Variants in RICTOR observed in about 807,000 individuals in gnomAD.
The protein encoded by RICTOR is rapamycin-insensitive companion of mTOR.
In RICTOR, 49 loss-of-function variants were observed where a neutral mutation model predicts 214.9. The ratio of observed to expected loss-of-function variants is 0.23; its 90% CI spans 0.18 to 0.29. The LOEUF is 0.29. RICTOR is among the 10% of genes least tolerant of loss of function. The probability of loss-of-function intolerance (pLI) is 1.00; values close to 1 mark genes in which losing one functional copy is unlikely to be tolerated. For missense variants in RICTOR, 1,625 were observed against 2,047.0 expected (o/e 0.79, Z 3.98); for synonymous variants, 717 against 711.3 (o/e 1.01, Z -0.13).
rs557690369 is a variant in RICTOR, at chr5:38,964,972, C to A, written c.1300-80G>T. The A allele has an allele frequency of 1.6e-4, 126 of 798,476 alleles. 1 individual carries two copies. Among genetic ancestry groups the A allele is most frequent in the South Asian group, 7.1e-4 (42 of 58,890 alleles). The allele number at this position is 798,476 out of a possible 1,614,324, so 49.5% of individuals were successfully genotyped here. The stretch of plus-strand genomic sequence containing the variant: ...TCACAGATTACCTGCACATATAATG[C>A]TGTATTCAAGACTATTACAAATTCT... On this transcript the variant is annotated intron_variant, in intron 15 of 37. Transcript: ENST00000357387.
chr5:38,959,387 A>G, intron 21 of RICTOR, 66 bp from the exon 22 acceptor site: 2 of 926,062 alleles, frequency 2.2e-6, no homozygotes, highest in South Asian at 1.9e-5. Context: ...AATTAAACAA[A>G]TATTTTTTCC....
At chr5:39,024,505 C>G (rs1358096839) in intron 2 of RICTOR, among the ~76,000 whole-genome samples, 3 of 152,116 alleles carry the variant, frequency 2.0e-5, no homozygotes, top group African/African-American at 7.2e-5. Context: ...GATGATTTAA[C>G]TATATTTGAG....
intron 2 of RICTOR, among the ~76,000 whole-genome samples, chr5:39,069,198 T>A (rs1367355254): frequency 1.3e-5 from 2 of 152,222 alleles, no homozygotes; most frequent in African/African-American, 4.8e-5. Flanking sequence ...AGAGTTTTGC[T>A]TACAAGACTT....
chr5:39,016,470 G>A (rs1226972488), intron 3 of RICTOR, among the ~76,000 whole-genome samples: 1 of 151,730 alleles, frequency 6.6e-6, no homozygotes. Flanking sequence ...GAGAGTGGGG[G>A]AGCACAAATC....
chr5:39,046,209 A>C (rs975618029), intron 2 of RICTOR, among the ~76,000 whole-genome samples: 4 of 151,010 alleles, frequency 2.6e-5, no homozygotes, highest in Non-Finnish European at 5.9e-5. Context: ...GAAAAAAAAA[A>C]CAAAAACAGC....
intron 3 of RICTOR, among the ~76,000 whole-genome samples, chr5:39,010,201 TGA>T (rs1754396057): frequency 6.6e-6 from 1 of 152,180 alleles, no homozygotes; most frequent in African/African-American, 2.4e-5. Context: ...GATGGTTTTA[TGA>T]GAGGCTTCCC....
rs1317578516 is a variant in RICTOR at position 39,021,065 on chromosome 5, G to C, written c.169C>G (p.Leu57Val). The change falls in exon 3 of 38, where the codon CTA (leucine) becomes GTA (valine). Residue 57 changes from leucine to valine, a missense_variant. Transcript: ENST00000357387. Reference protein sequence around the residue: ...RLQGVSNMRKLGHLNNFTKLL... With the variant: ...RLQGVSNMRKVGHLNNFTKLL... ...TTAGTAAAGTTATTCAGATGGCCTA[G>C]CTTTCTCATATTTGATACTCCCTGC... 1 of 1,584,540 alleles carries C rather than the reference G, an allele frequency of 6.3e-7. No homozygotes were observed. The highest frequency in any genetic ancestry group is 1.1e-5 in the South Asian group (1 of 90,474).
Position 38,992,966 on chromosome 5 carries a change from C to T in RICTOR, c.457-1891G>A, listed in dbSNP as rs376649324. ...CTAAGGGGAATATCTAATATTTGAG[C>T]TCAGACTAGAAGATCGATGTAAGGT... On this transcript the variant is annotated intron_variant, in intron 6 of 37. Coordinates refer to ENST00000357387, the MANE Select transcript of RICTOR (RefSeq NM_152756.5). Among the ~76,000 whole-genome samples, 4 of 152,276 alleles carry T rather than the reference C, an allele frequency of 2.6e-5. No homozygotes were observed. In the East Asian group the frequency reaches 5.8e-4, roughly 22 times the overall value.
rs541334945 is a variant in RICTOR, at chr5:38,949,504, G to C, written c.4136+208C>G. ...TGCAAAGCATGTATGTTTATTTTCA[G>C]GGCCTATAGGATTTTCTTCCCCCCT... is the stretch of plus-strand genomic sequence containing the variant. On this transcript the variant is annotated intron_variant, in intron 31 of 37. Coordinates refer to ENST00000357387, the MANE Select transcript of RICTOR (RefSeq NM_152756.5). 3 of 1,325,112 alleles carry C rather than the reference G, an allele frequency of 2.3e-6. No individual in the cohort carries two copies. In the African/African-American group the frequency reaches 4.4e-5, roughly 20 times the overall value. The allele number at this position is 1,325,112 out of a possible 1,614,324, so 82.1% of individuals were successfully genotyped here.
intron 5 of RICTOR, among the ~76,000 whole-genome samples, chr5:38,997,700 TGAAGAATAATCCCTGAAAAAA>T (rs1205328041): frequency 1.2e-4 from 18 of 151,712 alleles, no homozygotes; most frequent in African/African-American, 4.1e-4. Context: ...AAAAGGGCAA[TGAAGAATAATCCCTGAAAAAA>T]GAAGCACAGG....
At chr5:39,037,674 A>G (rs552454281) in intron 2 of RICTOR, among the ~76,000 whole-genome samples, 125 of 152,366 alleles carry the variant, frequency 8.2e-4, no homozygotes, top group African/African-American at 3.0e-3. Flanking sequence ...CTACGATCAG[A>G]GAATACTATA....
chr5:38,974,418 A>G (rs1484787017), intron 10 of RICTOR, among the ~76,000 whole-genome samples: 2 of 152,172 alleles, frequency 1.3e-5, no homozygotes, highest in African/African-American at 4.8e-5. Context: ...GCAATAAGGA[A>G]AGACTGGCAG....
chr5:38,976,802 T>C (rs999130116), intron 9 of RICTOR, among the ~76,000 whole-genome samples: 6 of 152,202 alleles, frequency 3.9e-5, no homozygotes, highest in African/African-American at 9.7e-5. Context: ...TCTGATGGAA[T>C]AGCCCCACCC....
chr5:39,012,790 C>A (rs1345407907), intron 3 of RICTOR, among the ~76,000 whole-genome samples: 1 of 152,104 alleles, frequency 6.6e-6, no homozygotes, highest in Admixed American at 6.5e-5. Flanking sequence ...TTATTAGACA[C>A]CACACTTTTC....
chr5:39,033,978 T>G (rs781045962), intron 2 of RICTOR, among the ~76,000 whole-genome samples: 1 of 152,220 alleles, frequency 6.6e-6, no homozygotes, highest in Admixed American at 6.5e-5. Context: ...CCTCTTTCTG[T>G]GTACACAAAA....
In RICTOR at chr5:38,943,640, C is replaced by CT. The variant is rs138193162; in HGVS notation, c.4914-670dup. On this transcript the variant is annotated intron_variant, in intron 36 of 37. Coordinates refer to ENST00000357387, the MANE Select transcript of RICTOR (RefSeq NM_152756.5). The stretch of plus-strand genomic sequence containing the variant: ...CCAACCTGGCTAACCTGGCGAAACT[C>CT]TGTTTCTACTAAAAATACAAAAATT... Among the ~76,000 whole-genome samples the CT allele has an allele frequency of 2.4e-3, 369 of 152,264 alleles. 1 individual carries two copies. Among genetic ancestry groups the CT allele is most frequent in the Middle Eastern group, 0.01 (3 of 294 alleles).
chr5:38,985,765 G>A (rs1273146935), intron 7 of RICTOR, among the ~76,000 whole-genome samples: 3 of 151,272 alleles, frequency 2.0e-5, no homozygotes, highest in Non-Finnish European at 2.9e-5. Flanking sequence ...GCGCAATCTC[G>A]GCTCACTGCA....
intron 11 of RICTOR, chr5:38,970,926 C>T (rs1750725831): frequency 6.6e-6 from 1 of 152,126 alleles, no homozygotes; most frequent in African/African-American, 2.4e-5. Flanking sequence ...GTGCTTGAAC[C>T]TTTTATAGTG....
intron 11 of RICTOR, chr5:38,971,243 G>A (rs1427332752): frequency 6.6e-6 from 1 of 152,296 alleles, no homozygotes; most frequent in Non-Finnish European, 1.5e-5. Flanking sequence ...GAGGAGGCTG[G>A]TCTCGAACTC....
Sources: gnomAD v4.1 joint callset for allele counts (sites outside exome capture counted in the v4.1 genomes callset) on GRCh38, gnomAD v4.1.1 for gene constraint, MANE v1.5 for transcripts, NCBI Gene and HGNC (gene_info 2026-07-23, HGNC 2026-07-21) for gene names.